Variants in CUBN observed in about 807,000 individuals in gnomAD.
CUBN encodes the protein 460 kDa receptor.
In CUBN, 282 loss-of-function variants were observed where a neutral mutation model predicts 405.3. The ratio of observed to expected loss-of-function variants is 0.70; its 90% CI spans 0.63 to 0.77. The LOEUF (loss-of-function observed/expected upper bound fraction) is 0.77. CUBN is among the 30% of genes least tolerant of loss of function. The pLI, the probability that CUBN is intolerant of heterozygous loss-of-function variation, is 0.00. For missense variants in CUBN, 4,514 were observed against 4,475.2 expected (o/e 1.01, Z -0.25); for synonymous variants, 1,684 against 1,617.0 (o/e 1.04, Z -0.99).
At position 17,123,625 on chromosome 10, in the gene CUBN, T is replaced by G. The variant is rs143590644; in HGVS notation, c.452A>C (p.His151Pro). 16 of 1,614,104 alleles carry G rather than the reference T, an allele frequency of 9.9e-6. No individual in the cohort carries two copies. Among genetic ancestry groups the G allele is most frequent in the African/African-American group, 1.3e-5 (1 of 75,072 alleles). Residue 151 changes from histidine to proline, a missense_variant, in exon 5 of 67, where the codon CAT (histidine) becomes CCT (proline). This residue lies in a region of CUBN where 1,448 missense variants were observed against 1,388.0 expected (regional missense o/e 1.04). Coordinates refer to ENST00000377833, the MANE Select transcript of CUBN (RefSeq NM_001081.4). ...CQNGGTCLNL[H>P]DSFFCICPPQ... ...GGGACAGATACAAAAAAAGGAATCA[T>G]GCAGATTGAGGCAGGTTCCACCATT...
Position 17,045,146 on chromosome 10 carries a change from G to C in CUBN, c.3533C>G (p.Ser1178Cys). 1 of 1,613,918 alleles carries C rather than the reference G, an allele frequency of 6.2e-7. No homozygotes were observed. Among genetic ancestry groups the C allele is most frequent in the Non-Finnish European group, 8.5e-7 (1 of 1,179,954 alleles). ...NLTTSSGTFI[S>C]PNYPMPYYHS... ...GTAATAGGGCATCGGGTAGTTGGGA[G>C]ATATGAACGTGCCGCTTGAAGTGGT... The change falls in exon 25 of 67, where the codon TCT (serine) becomes TGT (cysteine). Residue 1178 changes from serine (S) to cysteine (C), a missense_variant. This residue lies in a region of CUBN where 242 missense variants were observed against 309.0 expected (regional missense o/e 0.78). Coordinates refer to ENST00000377833, the MANE Select transcript of CUBN (RefSeq NM_001081.4).
chr10:17,111,192 G>T, intron 8 of CUBN, 142 bp from the exon 9 acceptor site: 2 of 991,458 alleles, frequency 2.0e-6, no homozygotes, highest in Non-Finnish European at 3.0e-6. Flanking sequence ...ATTGGCAAAA[G>T]TTGTTTTGAA....
At chr10:16,982,718 C>T (rs1262676679) in intron 30 of CUBN, 65 bp from the exon 31 acceptor site, 13 of 1,401,180 alleles carry the variant, frequency 9.3e-6, no homozygotes, top group African/African-American at 1.4e-5. Context: ...AATCCATTAC[C>T]TGGTTGTATA....
In CUBN at chr10:16,915,999, A is replaced by C; in HGVS notation, c.7032T>G (p.Ser2344Arg). 6.2e-7 allele frequency: 1 copy of C among 1,614,130 alleles called. No homozygotes were observed. The highest frequency in any genetic ancestry group is 8.5e-7 in the Non-Finnish European group (1 of 1,180,008). ...GATGTCCAATGCTTTCAACAACACC[A>C]CTTTGCCCTGGTACTCTTCCCCCAC... is the stretch of plus-strand genomic sequence containing the variant. ...AQCGGRVPGQSGVVESIGHPT... is the reference protein window; with the variant it reads ...AQCGGRVPGQRGVVESIGHPT... Residue 2344 changes from serine to arginine, a missense_variant, in exon 46 of 67, where the codon AGT becomes AGG. By Grantham distance (110) the Ser-to-Arg change is moderately radical. Transcript: ENST00000377833.
rs535944325 is a variant in CUBN at position 16,930,653 on chromosome 10, C to T, written c.6125-2350G>A. On this transcript the variant is annotated intron_variant, in intron 40 of 66. Transcript: ENST00000377833. The stretch of plus-strand genomic sequence containing the variant: ...CTTTGGTATACAGAATGGGTAGATG[C>T]GTGGTCTGGAAGAAACTGATTCATT... Among the ~76,000 whole-genome samples the T allele has an allele frequency of 5.9e-5, 9 of 152,104 alleles. 1 individual carries two copies. Among genetic ancestry groups the T allele is most frequent in the South Asian group, 4.1e-4 (2 of 4,826 alleles).
At chr10:17,112,870 T>C (rs1670382867) in intron 8 of CUBN, among the ~76,000 whole-genome samples, 2 of 152,240 alleles carry the variant, frequency 1.3e-5, no homozygotes, top group South Asian at 2.1e-4. Flanking sequence ...AGTTCTCATA[T>C]TGTAAAATGT....
intron 59 of CUBN, among the ~76,000 whole-genome samples, chr10:16,859,399 A>T (rs1175436405): frequency 6.6e-6 from 1 of 152,198 alleles, no homozygotes; most frequent in Non-Finnish European, 1.5e-5. Context: ...TTAAAATCAC[A>T]TGAGATATTA....
chr10:16,991,981 G>A (rs1225295250), intron 28 of CUBN, among the ~76,000 whole-genome samples: 2 of 152,128 alleles, frequency 1.3e-5, no homozygotes, highest in Middle Eastern at 3.2e-3. Context: ...GCAAAGACTT[G>A]GAACCAACCC....
At chr10:17,082,236 T>C (rs1835989707) in intron 17 of CUBN, among the ~76,000 whole-genome samples, 1 of 152,196 alleles carries the variant, frequency 6.6e-6, no homozygotes, top group Non-Finnish European at 1.5e-5. Flanking sequence ...CTTACTGAAG[T>C]AGGAACTGAA....
chr10:17,099,975 G>T, intron 14 of CUBN, 30 bp downstream of exon 14: 2 of 1,505,072 alleles, frequency 1.3e-6, no homozygotes, highest in South Asian at 1.1e-5. Flanking sequence ...TCAAAATTTT[G>T]CTTGCTTTTT....
At chr10:17,091,578 A>G (rs1996317) in intron 14 of CUBN, among the ~76,000 whole-genome samples, 82,307 of 151,926 alleles carry the variant, frequency 0.54, 22,930 homozygotes, top group East Asian at 0.7. Flanking sequence ...GTAGGTCTCA[A>G]TGAATAACTC....
chr10:16,951,486 A>C (rs1842920135), intron 33 of CUBN, among the ~76,000 whole-genome samples: 1 of 152,178 alleles, frequency 6.6e-6, no homozygotes, highest in Non-Finnish European at 1.5e-5. Flanking sequence ...TTCCTACATT[A>C]TGCCTGAAAC....
At chr10:17,109,767 C>T in intron 9 of CUBN, 32 bp from the exon 10 acceptor site, 1 of 1,558,060 alleles carries the variant, frequency 6.4e-7, no homozygotes, top group Non-Finnish European at 8.9e-7. Flanking sequence ...TCATAAGAAA[C>T]AATGTCAAGA....
At chr10:16,842,412 T>C (rs982520071) in intron 60 of CUBN, among the ~76,000 whole-genome samples, 7 of 152,190 alleles carry the variant, frequency 4.6e-5, no homozygotes, top group Non-Finnish European at 7.3e-5. Context: ...AATAAACAAG[T>C]GCTTTGATTC....
At position 16,851,362 on chromosome 10, in the gene CUBN, T is replaced by C. The variant is rs1421870180; in HGVS notation, c.9536A>G (p.Tyr3179Cys). ...ASPDSDSNGM[Y>C]DKNLNCVWII... ...CCATACACAGTTTAAATTCTTGTCA[T>C]ACATTCCATTCGAATCAGAATCAGG... The change falls in exon 60 of 67, where the codon TAT becomes TGT. Residue 3179 changes from tyrosine (Y) to cysteine (C), a missense_variant. Tyr to Cys is a radical substitution (Grantham distance 194). Coordinates refer to ENST00000377833, the MANE Select transcript of CUBN (RefSeq NM_001081.4). The C allele has an allele frequency of 5.0e-6, 8 of 1,614,044 alleles. No individual in the cohort carries two copies. The African/African-American group carries it at 6.7e-5, about 13-fold the overall frequency.
intron 28 of CUBN, among the ~76,000 whole-genome samples, chr10:17,002,324 G>C (rs1833915243): frequency 6.6e-6 from 1 of 152,156 alleles, no homozygotes; most frequent in Admixed American, 6.6e-5. Flanking sequence ...CTCTATTGGG[G>C]ATATTGTTGC....
intron 17 of CUBN, among the ~76,000 whole-genome samples, chr10:17,072,385 A>AG (rs1554816848): frequency 3.3e-5 from 5 of 152,152 alleles, no homozygotes; most frequent in Non-Finnish European, 7.3e-5. Context: ...AGGAAAAAAA[A>AG]GAAAAGTTGA....
At chr10:17,047,884 C>T (rs1835175676) in intron 22 of CUBN, among the ~76,000 whole-genome samples, 1 of 152,016 alleles carries the variant, frequency 6.6e-6, no homozygotes. Flanking sequence ...CTAATCCTTG[C>T]AAATTACCAT....
At chr10:16,936,735 C>T (rs543831743) in intron 39 of CUBN, among the ~76,000 whole-genome samples, 11 of 152,202 alleles carry the variant, frequency 7.2e-5, no homozygotes, top group South Asian at 2.1e-4. Context: ...CTTTTCGAAA[C>T]GGAGTCTCAC....
Sources: allele counts gnomAD v4.1 joint callset (sites outside exome capture counted in the v4.1 genomes callset), GRCh38; gene constraint gnomAD v4.1.1; regional missense constraint gnomAD v4.1.1; transcripts MANE v1.5; gene names NCBI Gene and HGNC (gene_info 2026-07-23, HGNC 2026-07-21).